The following BCKDHB variants were observed in gnomAD, a reference collection of about 807,000 sequenced individuals.
The protein encoded by BCKDHB is 2-oxoisovalerate dehydrogenase subunit beta, mitochondrial.
Under a neutral mutation model 48.5 loss-of-function variants are expected in BCKDHB, and 41 were observed. That is an observed-to-expected ratio of 0.85 (90% CI 0.66 to 1.10). BCKDHB has a LOEUF of 1.10. Among genes scored for constraint, BCKDHB ranks in the 50% least tolerant of loss-of-function variants. The probability of loss-of-function intolerance (pLI) is 0.00; values close to 1 mark genes in which losing one functional copy is unlikely to be tolerated. For synonymous variants in BCKDHB, 201 were observed against 174.8 expected (o/e 1.15, Z -1.18); for missense variants, 496 against 494.2 (o/e 1.00, Z -0.03).
At chr6:80,365,769 G>A in the BCKDHB span, among the ~76,000 whole-genome samples, 4 of 152,166 alleles carry the variant, frequency 2.6e-5, no homozygotes, top group South Asian at 2.1e-4. Flanking sequence ...AAAGAGAGAC[G>A]TAAGAAATTA....
At chr6:80,171,921 A>G (rs1206974728) in intron 6 of BCKDHB, among the ~76,000 whole-genome samples, 1 of 152,060 alleles carries the variant, frequency 6.6e-6, no homozygotes, top group African/African-American at 2.4e-5. Context: ...TGTGACTGCT[A>G]ATTTCTTCAC....
At chr6:80,150,188 C>A (rs1771702207) in intron 3 of BCKDHB, among the ~76,000 whole-genome samples, 1 of 152,078 alleles carries the variant, frequency 6.6e-6, no homozygotes, top group Non-Finnish European at 1.5e-5. Context: ...TATTCTGGAC[C>A]CTGCTCATCT....
At chr6:80,392,753 A>G in the BCKDHB span, among the ~76,000 whole-genome samples, 1 of 151,732 alleles carries the variant, frequency 6.6e-6, no homozygotes, top group South Asian at 2.1e-4. Flanking sequence ...ATTATATTTA[A>G]TAGTCTAGTT....
intron 6 of BCKDHB, among the ~76,000 whole-genome samples, chr6:80,181,997 A>G (rs1253972942): frequency 6.6e-6 from 1 of 152,172 alleles, no homozygotes; most frequent in Non-Finnish European, 1.5e-5. Flanking sequence ...TGTTTTATCT[A>G]TACTTTTAAA....
the BCKDHB span, among the ~76,000 whole-genome samples, chr6:80,379,619 T>C: frequency 6.6e-6 from 1 of 151,858 alleles, no homozygotes; most frequent in East Asian, 1.9e-4. Context: ...AGAAAAGAAA[T>C]AAAAGACATT....
At chr6:80,429,206 C>A in the BCKDHB span, among the ~76,000 whole-genome samples, 1 of 152,054 alleles carries the variant, frequency 6.6e-6, no homozygotes, top group Non-Finnish European at 1.5e-5. Flanking sequence ...ATTTCTGAGG[C>A]TTCTGTTCAG....
At chr6:80,166,361 A>T (rs1331252048) in intron 3 of BCKDHB, among the ~76,000 whole-genome samples, 3 of 152,010 alleles carry the variant, frequency 2.0e-5, no homozygotes, top group Admixed American at 6.6e-5. Flanking sequence ...GCTATTTATT[A>T]AAAAAAATTT....
the BCKDHB span, among the ~76,000 whole-genome samples, chr6:80,445,411 A>G: frequency 2.6e-5 from 4 of 152,280 alleles, no homozygotes; most frequent in South Asian, 2.1e-4. Context: ...AAGACCCACA[A>G]GGATTCACTT....
At chr6:80,126,162 A>G (rs753567647) in intron 1 of BCKDHB, among the ~76,000 whole-genome samples, 1 of 152,204 alleles carries the variant, frequency 6.6e-6, no homozygotes, top group Non-Finnish European at 1.5e-5. Context: ...GAAACAGGCT[A>G]TGATTGTGGG....
the BCKDHB span, among the ~76,000 whole-genome samples, chr6:80,447,489 AT>A: frequency 6.7e-6 from 1 of 149,786 alleles, no homozygotes; most frequent in South Asian, 2.1e-4. Flanking sequence ...TATATATACT[AT>A]TTATATATAT....
chr6:80,113,258 TC>T (rs1452326241), intron 1 of BCKDHB, among the ~76,000 whole-genome samples: 1 of 152,160 alleles, frequency 6.6e-6, no homozygotes, highest in Non-Finnish European at 1.5e-5. Flanking sequence ...GTCCTCTCCT[TC>T]CCCCTCCTGG....
the BCKDHB span, among the ~76,000 whole-genome samples, chr6:80,397,550 T>A: frequency 2.6e-5 from 4 of 152,316 alleles, no homozygotes; most frequent in Non-Finnish European, 4.4e-5. Context: ...TATTTGATGT[T>A]ACTTTCTGCT....
At position 80,138,887 on chromosome 6, in the gene BCKDHB, C is replaced by A. The variant is rs938136593; in HGVS notation, c.343+9658C>A. ...CCTGAGGAATCGCCACACTGACTTC[C>A]ACAATGGTTGAACTAGTTTATAGTC... On this transcript the variant is annotated intron_variant, in intron 3 of 9. Coordinates refer to ENST00000320393, the MANE Select transcript of BCKDHB (RefSeq NM_183050.4). Among the ~76,000 whole-genome samples, 49 of 152,304 alleles carry A rather than the reference C, an allele frequency of 3.2e-4. 1 individual carries two copies. The highest frequency in any genetic ancestry group is 1.1e-3 in the African/African-American group (45 of 41,566).
chr6:80,116,752 A>G (rs74799402), intron 1 of BCKDHB, among the ~76,000 whole-genome samples: 151 of 152,344 alleles, frequency 9.9e-4, no homozygotes, highest in African/African-American at 3.2e-3. Flanking sequence ...TTATCTTGAA[A>G]AAGAATTACC....
At chr6:80,393,295 T>C in the BCKDHB span, among the ~76,000 whole-genome samples, 1 of 152,200 alleles carries the variant, frequency 6.6e-6, no homozygotes, top group African/African-American at 2.4e-5. Context: ...TACTATGATA[T>C]GAATGTGTCC....
intron 3 of BCKDHB, among the ~76,000 whole-genome samples, chr6:80,148,182 C>T (rs1251500945): frequency 1.3e-5 from 2 of 152,088 alleles, no homozygotes; most frequent in African/African-American, 2.4e-5. Context: ...TTTAGCAGGC[C>T]ATCTGATACT....
At chr6:80,191,597 A>G (rs1437321550) in intron 6 of BCKDHB, among the ~76,000 whole-genome samples, 3 of 152,192 alleles carry the variant, frequency 2.0e-5, no homozygotes, top group Non-Finnish European at 2.9e-5. Context: ...ATTGTGACTT[A>G]AAAACAGTAG....
the BCKDHB span, among the ~76,000 whole-genome samples, chr6:80,410,341 T>C: frequency 6.6e-6 from 1 of 152,196 alleles, no homozygotes; most frequent in Non-Finnish European, 1.5e-5. Context: ...GGCTTCCCTT[T>C]GTGGGTAACC....
chr6:80,107,528 T>TATATATAA (rs1562050568), intron 1 of BCKDHB, among the ~76,000 whole-genome samples: 93 of 113,894 alleles, frequency 8.2e-4, no homozygotes, highest in Non-Finnish European at 9.6e-4. Flanking sequence ...TATATATATA[T>TATATATAA]GCATATATAT....
Sources: gnomAD v4.1 joint callset for allele counts (sites outside exome capture counted in the v4.1 genomes callset) on GRCh38, gnomAD v4.1.1 for gene constraint, MANE v1.5 for transcripts, NCBI Gene and HGNC (gene_info 2026-07-23, HGNC 2026-07-21) for gene names.